The following HSD17B12 variants were observed in gnomAD, a reference collection of about 807,000 sequenced individuals.
The protein encoded by HSD17B12 is hydroxysteroid 17-beta dehydrogenase 12.
HSD17B12 carries 32 observed loss-of-function variants against 39.3 expected under a neutral mutation model. That is an observed-to-expected ratio of 0.81 (90% confidence interval 0.61 to 1.09). The LOEUF (loss-of-function observed/expected upper bound fraction) is 1.09, where lower values mean the gene tolerates loss of function less well. Ranked by LOEUF, HSD17B12 falls within the 50% of genes least tolerant of loss-of-function variation. The pLI is 0.00. For synonymous variants in HSD17B12, 150 were observed against 146.7 expected (o/e 1.02, Z -0.16); for missense variants, 342 against 382.9 (o/e 0.89, Z 0.89).
chr11:43,737,320 G>A (rs1204155613), intron 1 of HSD17B12, among the ~76,000 whole-genome samples: 1 of 152,036 alleles, frequency 6.6e-6, no homozygotes, highest in African/African-American at 2.4e-5. Context: ...AGCAAGTTGA[G>A]GACAAAAAGA....
the HSD17B12 span, among the ~76,000 whole-genome samples, chr11:43,661,520 T>G: frequency 6.6e-6 from 1 of 152,050 alleles, no homozygotes; most frequent in African/African-American, 2.4e-5. Flanking sequence ...ATAAAAAGAA[T>G]TAGAGATGTG....
chr11:43,647,257 T>C, the HSD17B12 span, among the ~76,000 whole-genome samples: 1 of 152,060 alleles, frequency 6.6e-6, no homozygotes, highest in African/African-American at 2.4e-5. Flanking sequence ...ATATAACTAT[T>C]CACATTGCTG....
At chr11:43,781,362 A>G (rs1158918136) in intron 3 of HSD17B12, among the ~76,000 whole-genome samples, 1 of 152,154 alleles carries the variant, frequency 6.6e-6, no homozygotes, top group Non-Finnish European at 1.5e-5. Context: ...GGTCATCTTT[A>G]GTGAAAAAAA....
chr11:43,608,291 G>A, the HSD17B12 span, among the ~76,000 whole-genome samples: 37 of 151,736 alleles, frequency 2.4e-4, no homozygotes, highest in African/African-American at 8.5e-4. Context: ...GAGCTTAGGA[G>A]GTCCAGGCTG....
the HSD17B12 span, among the ~76,000 whole-genome samples, chr11:43,669,500 C>CAAA: frequency 4.5e-5 from 6 of 134,428 alleles, no homozygotes; most frequent in Non-Finnish European, 9.7e-5. Flanking sequence ...GACTCTGTTT[C>CAAA]AAAAAAAAAA....
the HSD17B12 span, among the ~76,000 whole-genome samples, chr11:43,620,175 C>T: frequency 6.6e-6 from 1 of 152,308 alleles, no homozygotes; most frequent in South Asian, 2.1e-4. Context: ...TTTCATTTAC[C>T]TTTTCTTTAA....
chr11:43,659,735 T>A, the HSD17B12 span, among the ~76,000 whole-genome samples: 1 of 152,178 alleles, frequency 6.6e-6, no homozygotes, highest in South Asian at 2.1e-4. Context: ...CCAGGATATA[T>A]AAAGAACTCT....
At chr11:43,612,877 A>G in the HSD17B12 span, among the ~76,000 whole-genome samples, 1 of 152,280 alleles carries the variant, frequency 6.6e-6, no homozygotes, top group Non-Finnish European at 1.5e-5. Context: ...ACTGGGTGAG[A>G]AATGGAGTTG....
At chr11:43,570,310 G>A in the HSD17B12 span, 1 of 152,240 alleles carries the variant, frequency 6.6e-6, no homozygotes, top group Non-Finnish European at 1.5e-5. Flanking sequence ...AGGAGAAAGA[G>A]AAAGATCCTC....
intron 3 of HSD17B12, among the ~76,000 whole-genome samples, chr11:43,759,022 A>C (rs559277607): frequency 6.6e-6 from 1 of 152,324 alleles, no homozygotes; most frequent in East Asian, 1.9e-4. Context: ...AGGAAACAGA[A>C]GTCACACAAT....
intron 1 of HSD17B12, among the ~76,000 whole-genome samples, chr11:43,740,091 G>A (rs1272695779): frequency 1.3e-5 from 2 of 152,116 alleles, no homozygotes; most frequent in Non-Finnish European, 2.9e-5. Flanking sequence ...GGTAGCAATG[G>A]GAAGAAGTGA....
At chr11:43,799,899 A>G (rs955898101) in intron 4 of HSD17B12, among the ~76,000 whole-genome samples, 3 of 152,158 alleles carry the variant, frequency 2.0e-5, no homozygotes, top group Non-Finnish European at 2.9e-5. Context: ...TGCCTGGTCC[A>G]TATCACACAT....
intron 1 of HSD17B12, chr11:43,719,144 T>C: frequency 1.3e-6 from 1 of 758,272 alleles, no homozygotes; most frequent in Non-Finnish European, 2.4e-6. Context: ...TGGGATCATC[T>C]AAACTTAGTC....
chr11:43,720,313 T>C (rs1311589537), intron 1 of HSD17B12, among the ~76,000 whole-genome samples: 1 of 152,252 alleles, frequency 6.6e-6, no homozygotes, highest in Non-Finnish European at 1.5e-5. Flanking sequence ...CTACTTTCAG[T>C]GTTCTACCTG....
chr11:43,816,613 A>T lies in HSD17B12; in HGVS notation c.501+222A>T, dbSNP rs1383590207. 9.2e-5 allele frequency among the ~76,000 whole-genome samples: 14 copies of T among 152,008 alleles called. No homozygotes were observed. The East Asian group carries it at 2.5e-3, about 27-fold the overall frequency. The stretch of plus-strand genomic sequence containing the variant: ...CTTTTCATTTATTTTTATTTTATTT[A>T]ATTATTTAATTTTTTATTTCCATAG... On this transcript the variant is annotated intron_variant, in intron 6 of 10. Transcript: ENST00000278353.
At position 43,734,676 on chromosome 11, in the gene HSD17B12, T is replaced by G. The variant is rs1366026199; in HGVS notation, c.161-16235T>G. ...CAGAAATCACTGTGAAATTTCATGA[T>G]TGGCTTAAAAAGTGAAGGAAATAAA... On this transcript the variant is annotated intron_variant, in intron 1 of 10. Transcript: ENST00000278353. 7 of 252,870 alleles carry G rather than the reference T, an allele frequency of 2.8e-5. No individual in the cohort carries two copies. The South Asian group carries it at 4.0e-4, about 14-fold the overall frequency. 15.7% of individuals were successfully genotyped at this position (252,870 alleles called of 1,614,324 possible). A position where few individuals can be genotyped will look rare whatever the true frequency, so the allele number is the denominator to read the frequency against.
intron 3 of HSD17B12, among the ~76,000 whole-genome samples, chr11:43,756,142 T>G (rs1385396802): frequency 6.6e-6 from 1 of 152,080 alleles, no homozygotes; most frequent in Non-Finnish European, 1.5e-5. Context: ...CAATTAAAGA[T>G]GAGATTTGGA....
chr11:43,684,650 A>G (rs2134764015), intron 1 of HSD17B12, among the ~76,000 whole-genome samples: 1 of 152,236 alleles, frequency 6.6e-6, no homozygotes, highest in East Asian at 1.9e-4. Flanking sequence ...TGAAGAATAA[A>G]TGATCCACTA....
At chr11:43,673,097 C>A in the HSD17B12 span, 1 of 152,050 alleles carries the variant, frequency 6.6e-6, no homozygotes, top group African/African-American at 2.4e-5. Context: ...ATTTTACAGC[C>A]AAGTGAAGGA....
Sources: allele counts gnomAD v4.1 joint callset (sites outside exome capture counted in the v4.1 genomes callset), GRCh38; gene constraint gnomAD v4.1.1; transcripts MANE v1.5; gene names NCBI Gene and HGNC (gene_info 2026-07-23, HGNC 2026-07-21).